The following RBMXL3 variants were observed in gnomAD, a reference collection of about 807,000 sequenced individuals.
RBMXL3 encodes the protein RBMX like 3.
RBMXL3 carries 2 observed loss-of-function variants against 0.8 expected under a neutral mutation model. That is an observed-to-expected ratio of 2.54 (90% confidence interval 1.04 to 8.00). The LOEUF (loss-of-function observed/expected upper bound fraction) is 8.00, where lower values mean the gene tolerates loss of function less well. RBMXL3 is among the 30% of genes most tolerant of loss of function. The pLI, the probability that RBMXL3 is intolerant of heterozygous loss-of-function variation, is 0.04. For missense variants in RBMXL3, 1,127 were observed against 1,068.0 expected (o/e 1.06, Z -0.77); for synonymous variants, 447 against 449.8 (o/e 0.99, Z 0.08).
chrX:115,190,944 C>G lies in RBMXL3; in HGVS notation c.1503C>G (p.Ser501Arg). ...YSGGHDNSSW[S>R]DRYGVGGHYE... is the part of the protein sequence containing the mutation. ...GGGGCCACGACAATTCCAGCTGGAGCGACCGCTACGGAGTAGGAGGCCACT... is the reference window on the plus strand; with the variant it reads ...GGGGCCACGACAATTCCAGCTGGAGGGACCGCTACGGAGTAGGAGGCCACT... Residue 501 changes from serine (S) to arginine (R), a missense_variant, in exon 1 of 1, where the codon AGC (serine) becomes AGG (arginine). Transcript: ENST00000424776. The G allele has an allele frequency of 8.6e-7, 1 of 1,159,475 alleles. No homozygotes were observed.
Position 115,189,556 on chromosome X carries a change from C to A in RBMXL3, c.115C>A (p.Leu39Met). The A allele has an allele frequency of 8.5e-7, 1 of 1,176,448 alleles. No individual in the cohort carries two copies. The highest frequency in any genetic ancestry group is 3.1e-5 in the East Asian group (1 of 31,752). ...GKYGHIIKVFLMKDRKTNKSR... is the reference protein window; with the variant it reads ...GKYGHIIKVFMMKDRKTNKSR... Reference sequence around the variant, plus strand: ...GTATGGCCACATCATCAAGGTGTTCCTGATGAAAGACCGAAAAACCAACAA... The same window carrying A: ...GTATGGCCACATCATCAAGGTGTTCATGATGAAAGACCGAAAAACCAACAA... The change falls in exon 1 of 1, where the codon CTG becomes ATG. Residue 39 changes from leucine (L) to methionine (M), a missense_variant. Leu to Met is a conservative substitution (Grantham distance 15, BLOSUM62 2). Coordinates refer to ENST00000424776, the MANE Select transcript of RBMXL3 (RefSeq NM_001145346.2).
Position 115,190,148 on chromosome X carries a change from G to C in RBMXL3, c.707G>C (p.Gly236Ala), listed in dbSNP as rs182342906. The C allele has an allele frequency of 0.076, 88,298 of 1,162,255 alleles. 2,715 individuals are homozygous for C. The highest frequency in any genetic ancestry group is 0.086 in the Middle Eastern group (368 of 4,283). The change falls in exon 1 of 1, where the codon GGC becomes GCC. Residue 236 changes from glycine to alanine, a missense_variant. By Grantham distance (60) the Gly-to-Ala change is moderately conservative (BLOSUM62 0). Coordinates refer to ENST00000424776, the MANE Select transcript of RBMXL3 (RefSeq NM_001145346.2). ...PAVWGQDGYS[G>A]PRVREPLPPC... ...GTGTGGGGGCAAGATGGCTACTCAG[G>C]CCCGCGGGTCCGGGAGCCACTGCCC...
chrX:115,191,748 G>A lies in RBMXL3; in HGVS notation c.2307G>A (p.Arg769=). 8.6e-7 allele frequency: 1 copy of A among 1,161,280 alleles called. No homozygotes were observed. The highest frequency in any genetic ancestry group is 1.1e-6 in the Non-Finnish European group (1 of 871,258). Reference sequence around the variant, plus strand: ...GTGGGGGCCATGACAGTTCCAGCCGGAGCCACCGCTACGGAGGAGGAGGCC... The same window carrying A: ...GTGGGGGCCATGACAGTTCCAGCCGAAGCCACCGCTACGGAGGAGGAGGCC... ...AYSGGHDSSS[R]SHRYGGGGRY... The change falls in exon 1 of 1, where the codon CGG becomes CGA. Residue 769 remains arginine, a synonymous_variant. Transcript: ENST00000424776.
At position 115,190,973 on chromosome X, in the gene RBMXL3, A is replaced by T. The variant is rs1556558480; in HGVS notation, c.1532A>T (p.Glu511Val). The change falls in exon 1 of 1, where the codon GAG becomes GTG. Residue 511 changes from glutamate to valine, a missense_variant. Physicochemically the swap from Glu to Val is moderately radical, Grantham distance 121 (BLOSUM62 -2). Transcript: ENST00000424776. ...CGCTACGGAGTAGGAGGCCACTATG[A>T]GGAGAACCGAGGCCACTCTCTGGAT... Reference protein sequence around the residue: ...SDRYGVGGHYEENRGHSLDAN... With the variant: ...SDRYGVGGHYVENRGHSLDAN... 3 of 1,162,392 alleles carry T rather than the reference A, an allele frequency of 2.6e-6. No individual in the cohort carries two copies. The highest frequency in any genetic ancestry group is 3.4e-6 in the Non-Finnish European group (3 of 871,577).
chrX:115,190,496 T>C lies in RBMXL3; in HGVS notation c.1055T>C (p.Val352Ala), dbSNP rs2038407442. The change falls in exon 1 of 1, where the codon GTC becomes GCC. Residue 352 changes from valine (V) to alanine (A), a missense_variant. Transcript: ENST00000424776. The stretch of plus-strand genomic sequence containing the variant: ...CGCTCGTCCGAGGCCTTGCCAGTCG[T>C]CTTGCCAGACGCCTACAGCAGGGAC... ...EGRSSEALPVVLPDAYSRDHS... is the reference protein window; with the variant it reads ...EGRSSEALPVALPDAYSRDHS... 8.6e-7 allele frequency: 1 copy of C among 1,165,155 alleles called. No individual in the cohort carries two copies. Among genetic ancestry groups the C allele is most frequent in the African/African-American group, 1.8e-5 (1 of 55,593 alleles).
rs1556556986 is a variant in RBMXL3 at position 115,190,252 on chromosome X, G to T, written c.811G>T (p.Asp271Tyr). The T allele has an allele frequency of 5.2e-6, 6 of 1,159,533 alleles. No homozygotes were observed. Among genetic ancestry groups the T allele is most frequent in the Non-Finnish European group, 5.8e-6 (5 of 867,596 alleles). ...CTATTATGGCCACTCCAGTGTCCCG[G>T]ACTACCGTCCCTTGAGAGGCGACGG... is the stretch of plus-strand genomic sequence containing the variant. ...RRYYGHSSVPDYRPLRGDGNQ... is the reference protein window; with the variant it reads ...RRYYGHSSVPYYRPLRGDGNQ... Residue 271 changes from aspartate (D) to tyrosine (Y), a missense_variant, in exon 1 of 1, where the codon GAC (aspartate) becomes TAC (tyrosine). Asp to Tyr is a radical substitution (Grantham distance 160). Coordinates refer to ENST00000424776, the MANE Select transcript of RBMXL3 (RefSeq NM_001145346.2).
At position 115,190,383 on chromosome X, in the gene RBMXL3, C is replaced by T. The variant is rs1266034139; in HGVS notation, c.942C>T (p.Ala314=). 9 of 1,161,609 alleles carry T rather than the reference C, an allele frequency of 7.7e-6. No individual in the cohort carries two copies. The Admixed American group carries it at 7.8e-5, about 10-fold the overall frequency. ...LKSYGGPCGA[A]PVWGTPPSYG... Reference sequence around the variant, plus strand: ...GCTACGGAGGCCCATGCGGCGCTGCCCCTGTGTGGGGGACACCGCCATCTT... The same window carrying T: ...GCTACGGAGGCCCATGCGGCGCTGCTCCTGTGTGGGGGACACCGCCATCTT... The change falls in exon 1 of 1, where the codon GCC becomes GCT. Residue 314 remains alanine, a synonymous_variant. Coordinates refer to ENST00000424776, the MANE Select transcript of RBMXL3 (RefSeq NM_001145346.2).
Position 115,192,072 on chromosome X carries a change from G to T in RBMXL3, c.2631G>T (p.Ser877=). Reference sequence around the variant, plus strand: ...ACGACACCCACAGCAGGGGCCGATCGCCCGATGCCCACAGCGGGGACCACT... The same window carrying T: ...ACGACACCCACAGCAGGGGCCGATCTCCCGATGCCCACAGCGGGGACCACT... The part of the protein sequence containing the change: ...RSHDTHSRGR[S]PDAHSGDHYT... The change falls in exon 1 of 1, where the codon TCG becomes TCT. Residue 877 remains serine (S), a synonymous_variant. Transcript: ENST00000424776. 8.6e-7 allele frequency: 1 copy of T among 1,162,844 alleles called. No individual in the cohort carries two copies. Among genetic ancestry groups the T allele is most frequent in the Non-Finnish European group, 1.1e-6 (1 of 871,687 alleles).
In RBMXL3 at chrX:115,192,592, G is replaced by A. The variant is rs782185363; in HGVS notation, c.3151G>A (p.Gly1051Arg). ...GTCAGGCTGCAGGGTGCCCAGGGGC[G>A]GAGGCCGTCAAGGAGGCCGCTTCGA... ...SRSGCRVPRG[G>R]GRQGGRFERG... Residue 1051 changes from glycine (G) to arginine (R), a missense_variant, in exon 1 of 1, where the codon GGA (glycine) becomes AGA (arginine). Transcript: ENST00000424776. 52 of 1,170,089 alleles carry A rather than the reference G, an allele frequency of 4.4e-5. No individual in the cohort carries two copies. The Middle Eastern group carries it at 7.0e-4, about 16-fold the overall frequency.
chrX:115,189,477 TG>T lies in RBMXL3; in HGVS notation c.41del (p.Gly14AlafsTer26). On this transcript the variant is annotated frameshift_variant, in exon 1 of 1. Coordinates refer to ENST00000424776, the MANE Select transcript of RBMXL3 (RefSeq NM_001145346.2). LOFTEE classifies it low-confidence loss of function (END_TRUNC). The stretch of plus-strand genomic sequence containing the variant: ...CGGATCGCCCAGAGAAGCTTTTCAT[TG>T]GGGGCCTCAACCTCAAAACCGACGA... ...EADRPEKLFIGGLNLKTDEKA... is the reference protein window; with the variant it reads ...EADRPEKLFIXGLNLKTDEKA... 1 of 1,179,406 alleles carries T rather than the reference TG, an allele frequency of 8.5e-7. No homozygotes were observed. The highest frequency in any genetic ancestry group is 1.1e-6 in the Non-Finnish European group (1 of 878,494).
chrX:115,191,318 G>A lies in RBMXL3; in HGVS notation c.1877G>A (p.Gly626Glu), dbSNP rs782675307. The A allele has an allele frequency of 5.2e-6, 6 of 1,156,626 alleles. No homozygotes were observed. Among genetic ancestry groups the A allele is most frequent in the Admixed American group, 5.3e-5 (2 of 37,521 alleles). The change falls in exon 1 of 1, where the codon GGA (glycine) becomes GAA (glutamate). Residue 626 changes from glycine (G) to glutamate (E), a missense_variant. Transcript: ENST00000424776. Reference sequence around the variant, plus strand: ...TCCAGCTGGAGCCACCGCTACGGAGGAGGAGGCCGCTACGAGGAGTACCGA... The same window carrying A: ...TCCAGCTGGAGCCACCGCTACGGAGAAGGAGGCCGCTACGAGGAGTACCGA... Reference protein sequence around the residue: ...DSSSWSHRYGGGGRYEEYRGR... With the variant: ...DSSSWSHRYGEGGRYEEYRGR...
chrX:115,192,476 C>G lies in RBMXL3; in HGVS notation c.3035C>G (p.Ser1012Trp). 3 of 1,170,702 alleles carry G rather than the reference C, an allele frequency of 2.6e-6. No homozygotes were observed. Among genetic ancestry groups the G allele is most frequent in the Non-Finnish European group, 3.4e-6 (3 of 874,787 alleles). Residue 1012 changes from serine (S) to tryptophan (W), a missense_variant, in exon 1 of 1, where the codon TCG (serine) becomes TGG (tryptophan). Ser to Trp is a radical substitution (Grantham distance 177). Coordinates refer to ENST00000424776, the MANE Select transcript of RBMXL3 (RefSeq NM_001145346.2). The part of the protein sequence containing the change: ...SNSYGRSDRY[S>W]RGRDRVGRPD... ...AGTTACGGCCGGAGCGACCGCTACT[C>G]GAGGGGTCGAGACCGGGTAGGCAGA... is the stretch of plus-strand genomic sequence containing the variant.
At position 115,190,342 on chromosome X, in the gene RBMXL3, C is replaced by T. The variant is rs1456524062; in HGVS notation, c.901C>T (p.Arg301Ter). ...YTDHPSKGSY[R>*]EPLKSYGGPC... ...AGATCATCCCAGCAAAGGCTCCTAC[C>T]GAGAGCCCCTCAAGAGCTACGGAGG... The change falls in exon 1 of 1, where the codon CGA becomes TGA. Residue 301 changes from arginine to a stop codon, truncating the protein, a stop_gained. Transcript: ENST00000424776. LOFTEE classifies it low-confidence loss of function (END_TRUNC). 9.5e-6 allele frequency: 11 copies of T among 1,158,811 alleles called. No homozygotes were observed. Among genetic ancestry groups the T allele is most frequent in the Admixed American group, 7.9e-5 (3 of 37,763 alleles).
Position 115,191,073 on chromosome X carries a change from C to T in RBMXL3, c.1632C>T (p.Ser544=). The change falls in exon 1 of 1, where the codon AGC becomes AGT. Residue 544 remains serine, a synonymous_variant. Transcript: ENST00000424776. ...HSSSSNSYGQ[S]HRYGGEGRYE... ...GTTCCAGCAACAGTTACGGCCAGAG[C>T]CACCGCTATGGAGGAGAAGGCCGCT... The T allele has an allele frequency of 1.7e-6, 2 of 1,165,616 alleles. No individual in the cohort carries two copies. The highest frequency in any genetic ancestry group is 2.3e-6 in the Non-Finnish European group (2 of 872,518).
Position 115,191,531 on chromosome X carries a change from G to A in RBMXL3, c.2090G>A (p.Ser697Asn). The part of the protein sequence containing the change: ...DAYSGGHDSS[S>N]QSNRYGGGGR... ...TACAGTGGGGGCCACGACAGTTCCA[G>A]CCAGAGCAACCGCTATGGAGGAGGC... Residue 697 changes from serine to asparagine, a missense_variant, in exon 1 of 1, where the codon AGC becomes AAC. Coordinates refer to ENST00000424776, the MANE Select transcript of RBMXL3 (RefSeq NM_001145346.2). 1 of 1,120,995 alleles carries A rather than the reference G, an allele frequency of 8.9e-7. No individual in the cohort carries two copies. The highest frequency in any genetic ancestry group is 3.8e-5 in the East Asian group (1 of 26,389). The allele number at this position is 1,120,995 out of a possible 1,213,427, so 92.4% of individuals were successfully genotyped here.
chrX:115,192,458 G>C lies in RBMXL3; in HGVS notation c.3017G>C (p.Gly1006Ala). ...CACGACAGATCCAGCAACAGTTACG[G>C]CCGGAGCGACCGCTACTCGAGGGGT... The part of the protein sequence containing the change: ...GDHDRSSNSY[G>A]RSDRYSRGRD... The change falls in exon 1 of 1, where the codon GGC (glycine) becomes GCC (alanine). Residue 1006 changes from glycine (G) to alanine (A), a missense_variant. By Grantham distance (60) the Gly-to-Ala change is moderately conservative. Transcript: ENST00000424776. 1 of 1,169,709 alleles carries C rather than the reference G, an allele frequency of 8.5e-7. No homozygotes were observed. Among genetic ancestry groups the C allele is most frequent in the African/African-American group, 1.8e-5 (1 of 56,542 alleles).
Position 115,192,045 on chromosome X carries a change from G to C in RBMXL3, c.2604G>C (p.Ser868=). The C allele has an allele frequency of 8.6e-7, 1 of 1,166,850 alleles. No homozygotes were observed. Among genetic ancestry groups the C allele is most frequent in the Non-Finnish European group, 1.1e-6 (1 of 872,719 alleles). ...ACTACGAAGAGTACCGAGGCCGCTC[G>C]CACGACACCCACAGCAGGGGCCGAT... ...GGHYEEYRGR[S]HDTHSRGRSP... The change falls in exon 1 of 1, where the codon TCG becomes TCC. Residue 868 remains serine (S), a synonymous_variant. Transcript: ENST00000424776.
chrX:115,191,159 G>T lies in RBMXL3; in HGVS notation c.1718G>T (p.Ser573Ile). Reference sequence around the variant, plus strand: ...GGGGGCTGCTCTGCCGACGCCTACAGTGGGGGCCACGACAGTTCCAGCCAG... The same window carrying T: ...GGGGGCTGCTCTGCCGACGCCTACATTGGGGGCCACGACAGTTCCAGCCAG... The part of the protein sequence containing the change: ...HSGGCSADAY[S>I]GGHDSSSQSN... The change falls in exon 1 of 1, where the codon AGT becomes ATT. Residue 573 changes from serine to isoleucine, a missense_variant. By Grantham distance (142) the Ser-to-Ile change is moderately radical (BLOSUM62 -2). Transcript: ENST00000424776. 2.6e-6 allele frequency: 3 copies of T among 1,167,149 alleles called. No homozygotes were observed. Among genetic ancestry groups the T allele is most frequent in the Non-Finnish European group, 2.3e-6 (2 of 872,857 alleles).
Position 115,191,232 on chromosome X carries a change from C to T in RBMXL3, c.1791C>T (p.Arg597=), listed in dbSNP as rs1398887697. The T allele has an allele frequency of 6.9e-6, 8 of 1,154,226 alleles. No homozygotes were observed. In the Admixed American group the frequency reaches 8.1e-5, roughly 12 times the overall value. Reference sequence around the variant, plus strand: ...GCTGCTACGAGGAGTACCGAGGCCGCTCCCTCGATGCCAACAGTGGAGGCC... The same window carrying T: ...GCTGCTACGAGGAGTACCGAGGCCGTTCCCTCGATGCCAACAGTGGAGGCC... ...GGGCYEEYRG[R]SLDANSGGRS... is the part of the protein sequence containing the mutation. Residue 597 remains arginine, a synonymous_variant, in exon 1 of 1, where the codon CGC becomes CGT. Coordinates refer to ENST00000424776, the MANE Select transcript of RBMXL3 (RefSeq NM_001145346.2).
Sources: gnomAD v4.1 joint callset for allele counts on GRCh38, gnomAD v4.1.1 for gene constraint, MANE v1.5 for transcripts, NCBI Gene and HGNC (gene_info 2026-07-23, HGNC 2026-07-21) for gene names.